Variants in PTPRD observed in about 807,000 individuals in gnomAD.
PTPRD encodes protein tyrosine phosphatase receptor type D.
In PTPRD, 34 loss-of-function variants were observed where a neutral mutation model predicts 214.5. The ratio of observed to expected loss-of-function variants is 0.16; its 90% CI spans 0.12 to 0.21. The LOEUF (loss-of-function observed/expected upper bound fraction) is 0.21. Ranked by LOEUF, PTPRD falls within the 10% of genes least tolerant of loss-of-function variation. PTPRD has a pLI of 1.00. For missense variants in PTPRD, 2,545 were observed against 2,398.7 expected (o/e 1.06, Z -1.27); for synonymous variants, 1,128 against 845.7 (o/e 1.33, Z -5.79).
intron 12 of PTPRD, among the ~76,000 whole-genome samples, chr9:8,637,750 A>G (rs1203773813): frequency 6.6e-6 from 1 of 152,222 alleles, no homozygotes; most frequent in Non-Finnish European, 1.5e-5. Context: ...TAGTTGAAAC[A>G]TTAAACAGTA....
chr9:10,511,852 C>G (rs960425344), intron 2 of PTPRD, among the ~76,000 whole-genome samples: 1 of 107,124 alleles, frequency 9.3e-6, no homozygotes, highest in Admixed American at 9.1e-5. Context: ...ATATACATAT[C>G]TGTGTGTGTG....
In PTPRD at chr9:10,576,477, G is replaced by A. The variant is rs539121296; in HGVS notation, c.-600+35921C>T. On this transcript the variant is annotated intron_variant, in intron 2 of 45. Coordinates refer to ENST00000381196, the MANE Select transcript of PTPRD (RefSeq NM_002839.4). The stretch of plus-strand genomic sequence containing the variant: ...TTTGGGCAAGAAATTCAGGGTCCAC[G>A]TAAAAGGCTGACTGTTATTGCAAAA... Among the ~76,000 whole-genome samples, 4 of 152,164 alleles carry A rather than the reference G, an allele frequency of 2.6e-5. No homozygotes were observed. In the East Asian group the frequency reaches 5.8e-4, roughly 22 times the overall value.
chr9:8,695,819 T>C (rs1170525312), intron 12 of PTPRD, among the ~76,000 whole-genome samples: 1 of 152,186 alleles, frequency 6.6e-6, no homozygotes, highest in South Asian at 2.1e-4. Flanking sequence ...TTTCACTTTG[T>C]TTTAGCATAT....
chr9:8,814,056 T>C (rs1427464073), intron 11 of PTPRD, among the ~76,000 whole-genome samples: 1 of 152,244 alleles, frequency 6.6e-6, no homozygotes, highest in East Asian at 1.9e-4. Context: ...TGCACCTTGG[T>C]ATCTCCCCAG....
In PTPRD at chr9:9,914,625, T is replaced by G. The variant is rs182589598; in HGVS notation, c.-368+23882A>C. 1.2e-4 allele frequency among the ~76,000 whole-genome samples: 18 copies of G among 152,220 alleles called. No individual in the cohort carries two copies. In the East Asian group the frequency reaches 3.5e-3, roughly 29 times the overall value. On this transcript the variant is annotated intron_variant, in intron 5 of 45. Transcript: ENST00000381196. Reference sequence around the variant, plus strand: ...CGAGTACGTGTTTACCGCGCCTGTGTTCTGGCACTGTAGGCAACCCACAGC... The same window carrying G: ...CGAGTACGTGTTTACCGCGCCTGTGGTCTGGCACTGTAGGCAACCCACAGC...
At chr9:9,527,185 A>C (rs527579470) in intron 8 of PTPRD, among the ~76,000 whole-genome samples, 1 of 152,178 alleles carries the variant, frequency 6.6e-6, no homozygotes, top group African/African-American at 2.4e-5. Flanking sequence ...AGGAATATAG[A>C]TTACTATCTT....
intron 30 of PTPRD, among the ~76,000 whole-genome samples, chr9:8,480,568 G>C (rs2096860222): frequency 6.6e-6 from 1 of 152,154 alleles, no homozygotes; most frequent in South Asian, 2.1e-4. Flanking sequence ...ATGTGATCAA[G>C]AAATAACTGA....
intron 3 of PTPRD, among the ~76,000 whole-genome samples, chr9:10,048,410 C>G (rs1188735262): frequency 6.6e-6 from 1 of 152,124 alleles, no homozygotes; most frequent in African/African-American, 2.4e-5. Flanking sequence ...GGTGTAAATG[C>G]TGGGTACTGG....
At chr9:8,413,633 C>A (rs1366301675) in intron 35 of PTPRD, among the ~76,000 whole-genome samples, 1 of 152,086 alleles carries the variant, frequency 6.6e-6, no homozygotes, top group Non-Finnish European at 1.5e-5. Context: ...ATACACCATA[C>A]TAAATATAGG....
At position 10,255,148 on chromosome 9, in the gene PTPRD, T is replaced by A. The variant is rs146100168; in HGVS notation, c.-545+85815A>T. On this transcript the variant is annotated intron_variant, in intron 3 of 45. Coordinates refer to ENST00000381196, the MANE Select transcript of PTPRD (RefSeq NM_002839.4). ...ATCTGGCTCTGCTAACCTCAAAGAGTTGCTCTTTCACATGAGGTGATTTAA... is the reference window on the plus strand; with the variant it reads ...ATCTGGCTCTGCTAACCTCAAAGAGATGCTCTTTCACATGAGGTGATTTAA... Among the ~76,000 whole-genome samples the A allele has an allele frequency of 2.2e-3, 340 of 152,108 alleles. 2 individuals are homozygous for A. Among genetic ancestry groups the A allele is most frequent in the Admixed American group, 5.9e-3 (90 of 15,268 alleles).
At chr9:10,151,831 C>T (rs996189459) in intron 3 of PTPRD, among the ~76,000 whole-genome samples, 2 of 152,136 alleles carry the variant, frequency 1.3e-5, no homozygotes, top group Non-Finnish European at 2.9e-5. Flanking sequence ...CAGAATCCTA[C>T]AATAGCTAGG....
chr9:9,402,077 C>T (rs912700549), intron 8 of PTPRD, among the ~76,000 whole-genome samples: 2 of 151,876 alleles, frequency 1.3e-5, no homozygotes, highest in Admixed American at 6.6e-5. Context: ...AAAATACAAA[C>T]GAAAGTTGGT....
At chr9:10,525,143 T>C (rs1217660374) in intron 2 of PTPRD, among the ~76,000 whole-genome samples, 1 of 152,086 alleles carries the variant, frequency 6.6e-6, no homozygotes, top group African/African-American at 2.4e-5. Flanking sequence ...AGTACATTTA[T>C]CCAAATTATT....
intron 9 of PTPRD, among the ~76,000 whole-genome samples, chr9:9,370,595 C>A (rs954577694): frequency 1.3e-5 from 2 of 151,386 alleles, no homozygotes; most frequent in Non-Finnish European, 3.0e-5. Flanking sequence ...TAATTGAATA[C>A]CCTTTATTTC....
intron 3 of PTPRD, among the ~76,000 whole-genome samples, chr9:10,081,784 G>A (rs951200801): frequency 6.6e-6 from 1 of 152,012 alleles, no homozygotes; most frequent in African/African-American, 2.4e-5. Context: ...AATAGATGGA[G>A]TTTCTAAATC....
intron 2 of PTPRD, among the ~76,000 whole-genome samples, chr9:10,456,529 G>C (rs542781408): frequency 6.6e-6 from 1 of 151,906 alleles, no homozygotes; most frequent in South Asian, 2.1e-4. Flanking sequence ...TTTCTTGTTT[G>C]TTTGCTAGTT....
In PTPRD at chr9:9,023,933, G is replaced by A. The variant is rs532667532; in HGVS notation, c.-142-5198C>T. ...ACAGCTTTCTCATTATCTCATCTTC[G>A]GTTAAGATTAAGTCATTAATCATCA... is the stretch of plus-strand genomic sequence containing the variant. On this transcript the variant is annotated intron_variant, in intron 10 of 45. Transcript: ENST00000381196. Among the ~76,000 whole-genome samples, 51 of 150,114 alleles carry A rather than the reference G, an allele frequency of 3.4e-4. 1 individual carries two copies. The South Asian group carries it at 9.4e-3, about 28-fold the overall frequency.
chr9:9,116,953 A>G (rs1569546592), intron 10 of PTPRD, among the ~76,000 whole-genome samples: 1 of 152,136 alleles, frequency 6.6e-6, no homozygotes, highest in African/African-American at 2.4e-5. Flanking sequence ...ATGGATACAT[A>G]TTTGTCCAAT....
At chr9:9,971,416 G>T (rs1413531975) in intron 4 of PTPRD, among the ~76,000 whole-genome samples, 1 of 152,064 alleles carries the variant, frequency 6.6e-6, no homozygotes, top group Non-Finnish European at 1.5e-5. Context: ...GAAGGTAGAA[G>T]ATTATTTTAA....
Sources: allele counts gnomAD v4.1 joint callset (sites outside exome capture counted in the v4.1 genomes callset), GRCh38; gene constraint gnomAD v4.1.1; transcripts MANE v1.5; gene names NCBI Gene and HGNC (gene_info 2026-07-23, HGNC 2026-07-21).